TMEFF1: variants seen among roughly 807,000 people sequenced by gnomAD.
TMEFF1 encodes the protein transmembrane protein with EGF like and two follistatin like domains 1.
TMEFF1 carries 20 observed loss-of-function variants against 47.5 expected under a neutral mutation model. The observed-to-expected ratio is 0.42, with a 90% CI of 0.30 to 0.61. TMEFF1 has a LOEUF of 0.61. TMEFF1 is among the 20% of genes least tolerant of loss of function. The probability of loss-of-function intolerance (pLI) is 0.19; values close to 1 mark genes in which losing one functional copy is unlikely to be tolerated. For synonymous variants in TMEFF1, 162 were observed against 166.3 expected (o/e 0.97, Z 0.20); for missense variants, 411 against 471.1 (o/e 0.87, Z 1.18).
intron 5 of TMEFF1, 24 bp downstream of exon 5, chr9:100,516,795 C>T (rs201796428): frequency 5.8e-5 from 93 of 1,608,172 alleles, no homozygotes; most frequent in Non-Finnish European, 7.6e-5. Context: ...GGGGAAGGGA[C>T]AAAGTTATTT....
At chr9:100,555,021 T>C (rs1838890585) in intron 7 of TMEFF1, among the ~76,000 whole-genome samples, 1 of 152,188 alleles carries the variant, frequency 6.6e-6, no homozygotes, top group Non-Finnish European at 1.5e-5. Context: ...TACTGGGTTT[T>C]TTCATAACAT....
intron 8 of TMEFF1, among the ~76,000 whole-genome samples, chr9:100,566,187 T>C (rs1234970183): frequency 6.6e-6 from 1 of 152,204 alleles, no homozygotes; most frequent in Non-Finnish European, 1.5e-5. Flanking sequence ...GACCTCTCAA[T>C]GTAGTAGTGT....
chr9:100,518,094 T>G (rs1345963736), intron 5 of TMEFF1, among the ~76,000 whole-genome samples: 1 of 152,178 alleles, frequency 6.6e-6, no homozygotes, highest in Non-Finnish European at 1.5e-5. Context: ...TTTTCATGCC[T>G]AAATTTAAAA....
chr9:100,497,911 A>T (rs1014174033), intron 1 of TMEFF1, among the ~76,000 whole-genome samples: 2 of 150,970 alleles, frequency 1.3e-5, no homozygotes, highest in African/African-American at 4.9e-5. Flanking sequence ...CTACACTGGG[A>T]TGGTTTTTTT....
At chr9:100,566,778 C>A (rs1377512928) in intron 8 of TMEFF1, among the ~76,000 whole-genome samples, 3 of 151,938 alleles carry the variant, frequency 2.0e-5, no homozygotes, top group Non-Finnish European at 1.5e-5. Flanking sequence ...GATTTCAGGT[C>A]ACTGCAGCCT....
chr9:100,545,484 G>A (rs929801633), intron 5 of TMEFF1, among the ~76,000 whole-genome samples: 14 of 152,180 alleles, frequency 9.2e-5, no homozygotes, highest in South Asian at 2.1e-4. Flanking sequence ...CACAGAGCAC[G>A]GGGATCCTGG....
chr9:100,539,265 T>C (rs1282917036), intron 5 of TMEFF1, among the ~76,000 whole-genome samples: 1 of 152,190 alleles, frequency 6.6e-6, no homozygotes, highest in Non-Finnish European at 1.5e-5. Flanking sequence ...CGTGTGCAAG[T>C]CTAGTTTTTC....
At chr9:100,553,671 A>G (rs1490354897) in intron 7 of TMEFF1, among the ~76,000 whole-genome samples, 1 of 152,210 alleles carries the variant, frequency 6.6e-6, no homozygotes, top group Non-Finnish European at 1.5e-5. Flanking sequence ...ATGATTGAGC[A>G]TGAGTTGTAT....
chr9:100,547,499 A>G (rs1307416276), intron 5 of TMEFF1, among the ~76,000 whole-genome samples: 1 of 152,210 alleles, frequency 6.6e-6, no homozygotes, highest in African/African-American at 2.4e-5. Flanking sequence ...TCTCCTGATT[A>G]CTTTATCTAG....
chr9:100,479,731 T>C lies in TMEFF1; in HGVS notation c.196+5991T>C, dbSNP rs574816903. ...CTTTTTATGGCCAAATAATATTCCA[T>C]TGTATGGATAAACCACATTTTGCAT... On this transcript the variant is annotated intron_variant, in intron 1 of 9. Coordinates refer to ENST00000374879, the MANE Select transcript of TMEFF1 (RefSeq NM_003692.5). 5.9e-5 allele frequency among the ~76,000 whole-genome samples: 9 copies of C among 152,362 alleles called. No homozygotes were observed. In the South Asian group the frequency reaches 1.9e-3, roughly 32 times the overall value.
intron 5 of TMEFF1, among the ~76,000 whole-genome samples, chr9:100,522,019 A>C (rs1587834751): frequency 6.6e-6 from 1 of 152,274 alleles, no homozygotes; most frequent in East Asian, 1.9e-4. Flanking sequence ...TTTGATGCAG[A>C]TTTCTGGTCA....
intron 1 of TMEFF1, among the ~76,000 whole-genome samples, chr9:100,484,562 G>A (rs1048362870): frequency 3.3e-5 from 5 of 151,754 alleles, no homozygotes; most frequent in Admixed American, 2.0e-4. Flanking sequence ...CAGGTGATCC[G>A]CCTGCCTTGG....
intron 1 of TMEFF1, among the ~76,000 whole-genome samples, chr9:100,497,544 A>G (rs1041110528): frequency 1.3e-5 from 2 of 152,064 alleles, no homozygotes; most frequent in Non-Finnish European, 2.9e-5. Flanking sequence ...GGATTCAGGT[A>G]CTTGATTGCC....
chr9:100,548,453 T>C (rs1312867829), intron 6 of TMEFF1, among the ~76,000 whole-genome samples: 2 of 152,180 alleles, frequency 1.3e-5, no homozygotes, highest in Non-Finnish European at 2.9e-5. Context: ...CATGATACCA[T>C]ATAAGAAAGA....
rs530668558 is a variant in TMEFF1 at position 100,545,480 on chromosome 9, G to A, written c.561-2264G>A. On this transcript the variant is annotated intron_variant, in intron 5 of 9. Transcript: ENST00000374879. The stretch of plus-strand genomic sequence containing the variant: ...GCACCAAGTCCCTAGGCTGCACAGA[G>A]CACGGGGATCCTGGGCCCTACCCAG... Among the ~76,000 whole-genome samples, 2 of 152,326 alleles carry A rather than the reference G, an allele frequency of 1.3e-5. 1 individual carries two copies. The highest frequency in any genetic ancestry group is 4.8e-5 in the African/African-American group (2 of 41,576).
At chr9:100,535,374 C>T (rs1164971350) in intron 5 of TMEFF1, among the ~76,000 whole-genome samples, 1 of 152,190 alleles carries the variant, frequency 6.6e-6, no homozygotes, top group East Asian at 1.9e-4. Context: ...AAATGTTTCC[C>T]ATTCCTTGGG....
rs188290029 is a variant in TMEFF1 at position 100,549,687 on chromosome 9, A to G, written c.710-408A>G. ...CATTTTTTATAGTAAGTGTTTCATA[A>G]CACAGCAGAGATTCCCCATTTATCT... On this transcript the variant is annotated intron_variant, in intron 6 of 9. Transcript: ENST00000374879. 4.9e-3 allele frequency among the ~76,000 whole-genome samples: 745 copies of G among 152,312 alleles called. 15 individuals are homozygous for G. The highest frequency in any genetic ancestry group is 2.7e-3 in the Non-Finnish European group (181 of 68,038).
chr9:100,524,703 C>T (rs188496577), intron 5 of TMEFF1, among the ~76,000 whole-genome samples: 158 of 152,272 alleles, frequency 1.0e-3, no homozygotes, highest in African/African-American at 3.6e-3. Flanking sequence ...GTTGTTCTTG[C>T]AGCAGGACAT....
At chr9:100,546,265 A>G (rs945626562) in intron 5 of TMEFF1, among the ~76,000 whole-genome samples, 1 of 152,126 alleles carries the variant, frequency 6.6e-6, no homozygotes, top group African/African-American at 2.4e-5. Context: ...AGGCCTCACA[A>G]TCATGGTGGA....
Sources: allele counts gnomAD v4.1 joint callset (sites outside exome capture counted in the v4.1 genomes callset), GRCh38; gene constraint gnomAD v4.1.1; transcripts MANE v1.5; gene names NCBI Gene and HGNC (gene_info 2026-07-23, HGNC 2026-07-21).